The following REEP1 variants were observed in gnomAD, a reference collection of about 807,000 sequenced individuals.
The protein encoded by REEP1 is receptor expression-enhancing protein 1.
REEP1 carries 22 observed loss-of-function variants against 40.3 expected under a neutral mutation model. The ratio of observed to expected loss-of-function variants is 0.55; its 90% CI spans 0.39 to 0.78. REEP1 has a LOEUF of 0.78. Among genes scored for constraint, REEP1 ranks in the 30% least tolerant of loss-of-function variants. The probability of loss-of-function intolerance (pLI) is 0.00; values close to 1 mark genes in which losing one functional copy is unlikely to be tolerated. For missense variants in REEP1, 280 were observed against 361.1 expected (o/e 0.78, Z 1.82); for synonymous variants, 116 against 139.2 (o/e 0.83, Z 1.17).
intron 3 of REEP1, among the ~76,000 whole-genome samples, chr2:86,259,180 C>T (rs559445965): frequency 1.3e-5 from 2 of 151,424 alleles, no homozygotes; most frequent in East Asian, 4.0e-4. Context: ...GTCCCAGCTA[C>T]TCAGGAGGCT....
intron 1 of REEP1, among the ~76,000 whole-genome samples, chr2:86,302,366 T>G (rs983325633): frequency 1.3e-5 from 2 of 152,218 alleles, no homozygotes; most frequent in African/African-American, 4.8e-5. Context: ...GTGCTTCGGT[T>G]TTTTGCTTCT....
intron 5 of REEP1, among the ~76,000 whole-genome samples, chr2:86,248,363 A>G (rs771812170): frequency 1.2e-4 from 18 of 152,240 alleles, no homozygotes; most frequent in Non-Finnish European, 2.1e-4. Flanking sequence ...TTTAAAATGA[A>G]GCCAGGAGTC....
At chr2:86,230,610 A>T (rs1674955889) in intron 6 of REEP1, among the ~76,000 whole-genome samples, 1 of 152,246 alleles carries the variant, frequency 6.6e-6, no homozygotes, top group Non-Finnish European at 1.5e-5. Context: ...TTGCAGCATG[A>T]CAATGCGCCT....
intron 1 of REEP1, among the ~76,000 whole-genome samples, chr2:86,300,580 G>A (rs545344618): frequency 8.3e-4 from 127 of 152,242 alleles, no homozygotes; most frequent in African/African-American, 2.8e-3. Context: ...AGAGAGAGTC[G>A]AGCAGATGTG....
At chr2:86,273,408 T>C (rs60032974) in intron 2 of REEP1, among the ~76,000 whole-genome samples, 10,179 of 151,920 alleles carry the variant, frequency 0.067, 527 homozygotes, top group African/African-American at 0.13. Flanking sequence ...CTCAGCGTCT[T>C]GAGTAGCTGG....
At chr2:86,321,741 A>G (rs1238072153) in intron 1 of REEP1, among the ~76,000 whole-genome samples, 2 of 152,346 alleles carry the variant, frequency 1.3e-5, no homozygotes, top group East Asian at 3.9e-4. Flanking sequence ...ATAAAATATA[A>G]TATCATTCAT....
At chr2:86,311,133 C>CT (rs1679743543) in intron 1 of REEP1, among the ~76,000 whole-genome samples, 1 of 152,124 alleles carries the variant, frequency 6.6e-6, no homozygotes, top group African/African-American at 2.4e-5. Context: ...TGAAGTTCCC[C>CT]TAGGACTAAA....
At chr2:86,335,216 C>T (rs28624082) in intron 1 of REEP1, among the ~76,000 whole-genome samples, 8,474 of 152,090 alleles carry the variant, frequency 0.056, 803 homozygotes, top group African/African-American at 0.19. Flanking sequence ...TTCAGTTTAT[C>T]TTTTCTAATT....
At chr2:86,275,537 C>T (rs1169439676) in intron 2 of REEP1, among the ~76,000 whole-genome samples, 1 of 152,170 alleles carries the variant, frequency 6.6e-6, no homozygotes, top group Non-Finnish European at 1.5e-5. Context: ...ATAACCACCC[C>T]AGAGCCAGGT....
At chr2:86,332,437 A>AC (rs1491476760) in intron 1 of REEP1, among the ~76,000 whole-genome samples, 1 of 4,760 alleles carries the variant, frequency 2.1e-4, no homozygotes, top group African/African-American at 3.5e-3. Context: ...TTTCCTGGAA[A>AC]CACACACACA....
At chr2:86,241,845 G>A (rs941870979) in intron 5 of REEP1, among the ~76,000 whole-genome samples, 1 of 152,206 alleles carries the variant, frequency 6.6e-6, no homozygotes, top group African/African-American at 2.4e-5. Context: ...GGGTGGAAGA[G>A]GAAGAAGAAG....
In REEP1 at chr2:86,214,524, G is replaced by A. The variant is rs1382236486; in HGVS notation, c.*2515C>T. 1 of 152,646 alleles carries A rather than the reference G, an allele frequency of 6.6e-6. No individual in the cohort carries two copies. The highest frequency in any genetic ancestry group is 1.5e-5 in the Non-Finnish European group (1 of 68,054). 9.5% of individuals were successfully genotyped at this position (152,646 alleles called of 1,614,324 possible). On this transcript the variant is annotated 3_prime_UTR_variant, in exon 9 of 9. Transcript: ENST00000538924. ...CTTTCCAGCTAGCATTTTGTAAACA[G>A]CCTGTGTCTGTAAGTCAGCAAATTA...
At chr2:86,261,933 A>G (rs907351083) in intron 3 of REEP1, among the ~76,000 whole-genome samples, 1 of 152,192 alleles carries the variant, frequency 6.6e-6, no homozygotes, top group African/African-American at 2.4e-5. Context: ...AAGCATTGAG[A>G]TGTTTATGTG....
chr2:86,307,375 CTTTA>C (rs1345859873), intron 1 of REEP1, among the ~76,000 whole-genome samples: 3 of 152,242 alleles, frequency 2.0e-5, no homozygotes, highest in East Asian at 3.9e-4. Context: ...CTTACATTTC[CTTTA>C]TTTATTTATT....
rs192167987 is a variant in REEP1 at position 86,288,065 on chromosome 2, C to T, written c.33-5823G>A. ...GAGATGGAGTCTCGCTCCCATTGTG[C>T]AGGCTGGAGTGCAGTGGCACAATCT... On this transcript the variant is annotated intron_variant, in intron 1 of 8. Transcript: ENST00000538924. 1.2e-3 allele frequency among the ~76,000 whole-genome samples: 169 copies of T among 146,342 alleles called. 6 individuals carry two copies. Among genetic ancestry groups the T allele is most frequent in the African/African-American group, 4.4e-3 (159 of 36,102 alleles).
chr2:86,252,038 G>A lies in REEP1; in HGVS notation c.336C>T (p.Asp112=), dbSNP rs867308226. Residue 112 remains aspartate (D), a synonymous_variant, in exon 5 of 9, where the codon GAC becomes GAT. Coordinates refer to ENST00000538924, the MANE Select transcript of REEP1 (RefSeq NM_001371279.1). Reference sequence around the variant, plus strand: ...AGTGCACAAGGGCATCGTAACTTCGGTCTTTTGCTTGGACCAGACAATCAT... The same window carrying A: ...AGTGCACAAGGGCATCGTAACTTCGATCTTTTGCTTGGACCAGACAATCAT... The part of the protein sequence containing the change: ...EIDDCLVQAK[D]RSYDALVHFG... 61 of 1,613,892 alleles carry A rather than the reference G, an allele frequency of 3.8e-5. 1 individual carries two copies. The Middle Eastern group carries it at 6.6e-3, about 174-fold the overall frequency.
intron 2 of REEP1, among the ~76,000 whole-genome samples, chr2:86,277,025 G>T (rs1039662541): frequency 2.0e-5 from 3 of 152,170 alleles, no homozygotes; most frequent in Non-Finnish European, 4.4e-5. Context: ...TCCAACAGGG[G>T]ATACAAAATG....
At chr2:86,309,603 G>C (rs1679666918) in intron 1 of REEP1, among the ~76,000 whole-genome samples, 1 of 152,236 alleles carries the variant, frequency 6.6e-6, no homozygotes, top group Admixed American at 6.5e-5. Flanking sequence ...CTGGAGGTCT[G>C]TGATCGGGTG....
At chr2:86,266,686 T>C (rs2104318710) in intron 2 of REEP1, among the ~76,000 whole-genome samples, 1 of 150,300 alleles carries the variant, frequency 6.7e-6, no homozygotes, top group African/African-American at 2.4e-5. Context: ...TAAATAAAGA[T>C]ATACTACCAA....
Sources: gnomAD v4.1 joint callset for allele counts (sites outside exome capture counted in the v4.1 genomes callset) on GRCh38, gnomAD v4.1.1 for gene constraint, MANE v1.5 for transcripts, NCBI Gene and HGNC (gene_info 2026-07-23, HGNC 2026-07-21) for gene names.